Variants in SRGAP3 observed in about 807,000 individuals in gnomAD.
SRGAP3 encodes the protein SLIT-ROBO Rho GTPase-activating protein 3.
In SRGAP3, 39 loss-of-function variants were observed where a neutral mutation model predicts 121.1. The ratio of observed to expected loss-of-function variants is 0.32; its 90% CI spans 0.25 to 0.42. The LOEUF is 0.42. Ranked by LOEUF, SRGAP3 falls within the 10% of genes least tolerant of loss-of-function variation. The pLI is 1.00. For missense variants in SRGAP3, 1,213 were observed against 1,470.6 expected (o/e 0.82, Z 2.86); for synonymous variants, 601 against 570.0 (o/e 1.05, Z -0.77).
intron 1 of SRGAP3, among the ~76,000 whole-genome samples, chr3:9,185,034 T>C (rs1951552363): frequency 6.6e-6 from 1 of 152,188 alleles, no homozygotes. Context: ...AAGACCAGCC[T>C]GGCCAACATG....
At chr3:9,199,544 T>A (rs1952010659) in intron 1 of SRGAP3, among the ~76,000 whole-genome samples, 1 of 152,230 alleles carries the variant, frequency 6.6e-6, no homozygotes, top group Non-Finnish European at 1.5e-5. Context: ...AGAGGCCTCA[T>A]TTCTAATGGC....
chr3:9,323,728 CTTCT>C (rs1390613745), intron 3 of SRGAP3, among the ~76,000 whole-genome samples: 4 of 151,076 alleles, frequency 2.6e-5, no homozygotes, highest in Non-Finnish European at 5.9e-5. Flanking sequence ...TTCTGGTTTT[CTTCT>C]TTATTAAATT....
At chr3:9,288,982 C>T (rs1363822147) in intron 3 of SRGAP3, among the ~76,000 whole-genome samples, 2 of 152,092 alleles carry the variant, frequency 1.3e-5, no homozygotes, top group Non-Finnish European at 2.9e-5. Flanking sequence ...CTGCAACCTC[C>T]ACCTCCTGGA....
intron 14 of SRGAP3, among the ~76,000 whole-genome samples, chr3:9,018,961 T>C (rs374463826): frequency 6.6e-6 from 1 of 152,344 alleles, no homozygotes. Flanking sequence ...GAATGTAGTA[T>C]ACTTCTAAAT....
intron 15 of SRGAP3, 126 bp from the exon 16 acceptor site, chr3:9,013,968 G>T: frequency 1.2e-6 from 1 of 845,094 alleles, no homozygotes; most frequent in Non-Finnish European, 2.0e-6. Context: ...CTTGATTCCA[G>T]GGATCACAGG....
chr3:9,202,621 C>A (rs115135246), intron 1 of SRGAP3, among the ~76,000 whole-genome samples: 6 of 152,198 alleles, frequency 3.9e-5, no homozygotes, highest in Admixed American at 3.9e-4. Flanking sequence ...CACCCTCGAG[C>A]CCCCTCCTGG....
chr3:9,204,733 C>T (rs937184937), intron 1 of SRGAP3, among the ~76,000 whole-genome samples: 6 of 152,120 alleles, frequency 3.9e-5, no homozygotes, highest in South Asian at 2.1e-4. Flanking sequence ...ACACAGAAGG[C>T]GTAAGCCGGG....
At chr3:9,015,566 A>G in intron 15 of SRGAP3, 31 bp downstream of exon 15, 2 of 1,613,236 alleles carry the variant, frequency 1.2e-6, no homozygotes, top group Non-Finnish European at 1.7e-6. Flanking sequence ...ATTTGTCAAA[A>G]AACTGATCAT....
intron 1 of SRGAP3, among the ~76,000 whole-genome samples, chr3:9,357,232 G>A (rs994604398): frequency 3.3e-5 from 5 of 152,146 alleles, no homozygotes; most frequent in Non-Finnish European, 5.9e-5. Context: ...GCAACAGAGT[G>A]AGACCTCATC....
At chr3:9,204,675 G>T (rs1243935031) in intron 1 of SRGAP3, among the ~76,000 whole-genome samples, 6 of 151,456 alleles carry the variant, frequency 4.0e-5, no homozygotes, top group Non-Finnish European at 1.5e-5. Context: ...AGTCCTAAGT[G>T]AATGCATGAT....
At chr3:9,137,026 G>A (rs1949688125) in intron 1 of SRGAP3, among the ~76,000 whole-genome samples, 1 of 152,144 alleles carries the variant, frequency 6.6e-6, no homozygotes. Flanking sequence ...GTGCTTCCCC[G>A]AATTGTCTCC....
chr3:9,308,264 G>T (rs1301055622), intron 3 of SRGAP3, among the ~76,000 whole-genome samples: 2 of 152,220 alleles, frequency 1.3e-5, no homozygotes, highest in African/African-American at 4.8e-5. Context: ...CCTCTGGGTG[G>T]TGAACTTTCA....
intron 4 of SRGAP3, among the ~76,000 whole-genome samples, chr3:9,078,729 C>T (rs1382394330): frequency 6.6e-6 from 1 of 152,180 alleles, no homozygotes; most frequent in African/African-American, 2.4e-5. Context: ...TTCTGCCCCC[C>T]AGTGACCAGC....
At chr3:9,219,768 G>T (rs1384194534) in intron 1 of SRGAP3, among the ~76,000 whole-genome samples, 1 of 152,104 alleles carries the variant, frequency 6.6e-6, no homozygotes, top group African/African-American at 2.4e-5. Flanking sequence ...GGAGAATGGT[G>T]TGAACCCGGG....
chr3:8,994,411 G>C lies in SRGAP3; in HGVS notation c.2340C>G (p.Asp780Glu). The change falls in exon 19 of 22, where the codon GAC becomes GAG. Residue 780 changes from aspartate to glutamate, a missense_variant. Around this residue, in one of 2 missense-constraint regions of SRGAP3, gnomAD observed 793 missense variants for 1,032.9 expected, o/e 0.77. Coordinates refer to ENST00000383836, the MANE Select transcript of SRGAP3 (RefSeq NM_014850.4). ...SLLLYHRASE[D>E]WWEGRHNGVD... is the part of the protein sequence containing the mutation. ...CGCCGTTGTGCCGGCCCTCCCACCA[G>C]TCCTCCGAGGCGCGGTGGTACAGGA... 1.2e-6 allele frequency: 2 copies of C among 1,614,248 alleles called. No individual in the cohort carries two copies. The highest frequency in any genetic ancestry group is 1.7e-6 in the Non-Finnish European group (2 of 1,180,054).
At chr3:9,288,805 G>A (rs1954826649) in intron 3 of SRGAP3, among the ~76,000 whole-genome samples, 1 of 151,176 alleles carries the variant, frequency 6.6e-6, no homozygotes, top group Admixed American at 6.6e-5. Context: ...TGAACTCCTG[G>A]GCTCAAGTGA....
At chr3:9,069,638 G>A (rs1946594467) in intron 4 of SRGAP3, among the ~76,000 whole-genome samples, 1 of 152,174 alleles carries the variant, frequency 6.6e-6, no homozygotes, top group African/African-American at 2.4e-5. Flanking sequence ...CTCACTTGAG[G>A]AGATGGAGGC....
At chr3:9,055,358 A>G (rs1235015095) in intron 8 of SRGAP3, among the ~76,000 whole-genome samples, 2 of 152,194 alleles carry the variant, frequency 1.3e-5, no homozygotes, top group African/African-American at 4.8e-5. Flanking sequence ...CCTGCCCATG[A>G]CCTCGAGTGT....
chr3:9,232,375 T>C (rs1953244209), intron 1 of SRGAP3, among the ~76,000 whole-genome samples: 1 of 152,164 alleles, frequency 6.6e-6, no homozygotes, highest in South Asian at 2.1e-4. Context: ...TGAAAAGGTC[T>C]TCTTTCCCCT....
Sources: gnomAD v4.1 joint callset for allele counts (sites outside exome capture counted in the v4.1 genomes callset) on GRCh38, gnomAD v4.1.1 for gene constraint, gnomAD v4.1.1 regional missense constraint, MANE v1.5 for transcripts, NCBI Gene and HGNC (gene_info 2026-07-23, HGNC 2026-07-21) for gene names.